MDGA2: variants seen among roughly 807,000 people sequenced by gnomAD.
MDGA2 encodes MAM domain containing glycosylphosphatidylinositol anchor 2, also known as MAM domain-containing glycosylphosphatidylinositol anchor protein 2.
MDGA2 carries 40 observed loss-of-function variants against 117.8 expected under a neutral mutation model. That is an observed-to-expected ratio of 0.34 (90% confidence interval 0.26 to 0.44). The LOEUF is 0.44. Ranked by LOEUF, MDGA2 falls within the 20% of genes least tolerant of loss-of-function variation. The pLI, the probability that MDGA2 is intolerant of heterozygous loss-of-function variation, is 1.00. For missense variants in MDGA2, 1,123 were observed against 1,250.6 expected (o/e 0.90, Z 1.54); for synonymous variants, 452 against 439.0 (o/e 1.03, Z -0.37).
intron 6 of MDGA2, among the ~76,000 whole-genome samples, chr14:47,077,914 T>A (rs1236744654): frequency 6.6e-6 from 1 of 152,054 alleles, no homozygotes; most frequent in African/African-American, 2.4e-5. Context: ...GAGTGATGAA[T>A]AATATCTTTG....
Position 47,419,295 on chromosome 14 carries a change from G to T in MDGA2, c.281-117745C>A, listed in dbSNP as rs138438649. On this transcript the variant is annotated intron_variant, in intron 1 of 16. Coordinates refer to ENST00000399232, the MANE Select transcript of MDGA2 (RefSeq NM_001113498.3). ...TATCAATACTGCACACTTGAAAGAA[G>T]AATTCACAAAAGGAAGCTTTTTTTT... 9.9e-5 allele frequency among the ~76,000 whole-genome samples: 15 copies of T among 151,766 alleles called. No individual in the cohort carries two copies. The East Asian group carries it at 2.7e-3, about 28-fold the overall frequency.
intron 8 of MDGA2, among the ~76,000 whole-genome samples, chr14:47,034,797 T>C (rs1235395964): frequency 5.9e-5 from 9 of 151,802 alleles, no homozygotes; most frequent in Non-Finnish European, 1.3e-4. Context: ...TTAGTGTGTA[T>C]AAGCTCATGC....
At chr14:46,921,649 G>C (rs759109043) in intron 9 of MDGA2, among the ~76,000 whole-genome samples, 15 of 151,246 alleles carry the variant, frequency 9.9e-5, no homozygotes, top group Non-Finnish European at 2.1e-4. Flanking sequence ...AAAAAGAAAA[G>C]TCTCAAATGA....
chr14:47,438,681 A>G (rs996310622), intron 1 of MDGA2, among the ~76,000 whole-genome samples: 5 of 152,118 alleles, frequency 3.3e-5, no homozygotes, highest in Admixed American at 1.3e-4. Flanking sequence ...CAATGCAAAA[A>G]GCAAAAGAAG....
At chr14:46,870,819 T>C (rs1047340532) in intron 14 of MDGA2, 1 of 152,028 alleles carries the variant, frequency 6.6e-6, no homozygotes, top group African/African-American at 2.4e-5. Flanking sequence ...GTTAAAAGTA[T>C]ATTATAATGA....
chr14:47,141,452 C>G (rs1462040485), intron 4 of MDGA2, among the ~76,000 whole-genome samples: 1 of 152,124 alleles, frequency 6.6e-6, no homozygotes, highest in Non-Finnish European at 1.5e-5. Flanking sequence ...TAATGGAATA[C>G]TATTCAGCTA....
intron 8 of MDGA2, among the ~76,000 whole-genome samples, chr14:47,026,575 C>T (rs1024403387): frequency 2.6e-5 from 4 of 151,614 alleles, no homozygotes; most frequent in East Asian, 3.9e-4. Flanking sequence ...TATTGTTCAC[C>T]TTTATGTGTG....
intron 9 of MDGA2, among the ~76,000 whole-genome samples, chr14:46,949,628 T>G (rs1312808328): frequency 6.6e-6 from 1 of 151,994 alleles, no homozygotes; most frequent in East Asian, 1.9e-4. Context: ...TGTTTCTGAG[T>G]GATTTCACTT....
chr14:47,017,450 G>C (rs200476701), intron 8 of MDGA2, among the ~76,000 whole-genome samples: 1 of 152,022 alleles, frequency 6.6e-6, no homozygotes, highest in East Asian at 1.9e-4. Context: ...TCTATATTAT[G>C]TCCAGCTACA....
At chr14:47,232,281 C>G (rs1041193426) in intron 2 of MDGA2, among the ~76,000 whole-genome samples, 9 of 151,652 alleles carry the variant, frequency 5.9e-5, no homozygotes, top group Admixed American at 3.9e-4. Flanking sequence ...GCTTCTTAAT[C>G]CTTTGATTAT....
intron 3 of MDGA2, among the ~76,000 whole-genome samples, chr14:47,215,060 T>C (rs898856518): frequency 6.6e-6 from 1 of 152,136 alleles, no homozygotes; most frequent in African/African-American, 2.4e-5. Flanking sequence ...TTTGTTTTTA[T>C]GCATATCCTG....
intron 1 of MDGA2, among the ~76,000 whole-genome samples, chr14:47,463,495 A>G (rs1893535228): frequency 6.6e-6 from 1 of 152,226 alleles, no homozygotes; most frequent in Non-Finnish European, 1.5e-5. Context: ...TATCATGCAA[A>G]TGAAGCACCT....
intron 4 of MDGA2, among the ~76,000 whole-genome samples, chr14:47,135,702 T>C (rs988206599): frequency 1.3e-5 from 2 of 152,108 alleles, no homozygotes; most frequent in Non-Finnish European, 2.9e-5. Flanking sequence ...AAACCGTTAG[T>C]TTGTCATTTG....
chr14:47,326,472 AT>A (rs1890145960), intron 1 of MDGA2, among the ~76,000 whole-genome samples: 1 of 152,022 alleles, frequency 6.6e-6, no homozygotes, highest in African/African-American at 2.4e-5. Context: ...CACCCCTCAA[AT>A]AGCTTTCCAA....
At chr14:47,368,017 C>T (rs145063532) in intron 1 of MDGA2, among the ~76,000 whole-genome samples, 65 of 152,102 alleles carry the variant, frequency 4.3e-4, no homozygotes, top group Middle Eastern at 3.4e-3. Flanking sequence ...TGGTGGCTCA[C>T]GTCTGTAATC....
At chr14:47,195,475 AT>A (rs1885255758) in intron 3 of MDGA2, among the ~76,000 whole-genome samples, 1 of 152,026 alleles carries the variant, frequency 6.6e-6, no homozygotes, top group African/African-American at 2.4e-5. Context: ...AACTGGTTTT[AT>A]TGGGCCATGG....
chr14:47,320,821 C>T (rs897107270), intron 1 of MDGA2, among the ~76,000 whole-genome samples: 5 of 152,056 alleles, frequency 3.3e-5, no homozygotes, highest in Non-Finnish European at 4.4e-5. Context: ...GGAAGAGCCT[C>T]GGTTAAAGAG....
chr14:47,473,625 A>G (rs76079207), intron 1 of MDGA2, among the ~76,000 whole-genome samples: 4,734 of 152,184 alleles, frequency 0.031, 82 homozygotes, highest in South Asian at 0.056. Context: ...GATTAATATT[A>G]TGATATGTAA....
At chr14:46,876,787 G>T (rs149915982) in intron 12 of MDGA2, among the ~76,000 whole-genome samples, 1,964 of 151,412 alleles carry the variant, frequency 0.013, 36 homozygotes, top group African/African-American at 0.045. Context: ...CCTTAAACTT[G>T]TAAGAAATCT....
Sources: gnomAD v4.1 joint callset for allele counts (sites outside exome capture counted in the v4.1 genomes callset) on GRCh38, gnomAD v4.1.1 for gene constraint, MANE v1.5 for transcripts, NCBI Gene and HGNC (gene_info 2026-07-23, HGNC 2026-07-21) for gene names.